Variants in NRM observed in about 807,000 individuals in gnomAD.
NRM encodes the protein nurim.
A neutral mutation model predicts 23.4 loss-of-function variants in NRM; 19 were observed. That is an observed-to-expected ratio of 0.81 (90% CI 0.57 to 1.19). The LOEUF (loss-of-function observed/expected upper bound fraction) is 1.19. NRM is among the 50% of genes most tolerant of loss of function. NRM has a pLI of 0.00. For synonymous variants in NRM, 140 were observed against 143.5 expected (o/e 0.98, Z 0.17); for missense variants, 232 against 329.7 (o/e 0.70, Z 2.30).
Position 30,690,699 on chromosome 6 carries a change from CCCTGTAG to C in NRM, c.133+136_133+142del. On this transcript the variant is annotated intron_variant, in intron 1 of 3. Coordinates refer to ENST00000376421, the MANE Select transcript of NRM (RefSeq NM_001384369.1). This position sits in a 1 kb window ranked among gnomAD's most constrained non-coding sequence, Gnocchi z 5.5. Reference sequence around the variant, plus strand: ...CTAATTTAGAACTCAGGTCTCCCTCCCCTGTAGCTTCTCGGCCGCTTTCAAGGTTCGA... The same window carrying C: ...CTAATTTAGAACTCAGGTCTCCCTCCCTTCTCGGCCGCTTTCAAGGTTCGA... The C allele has an allele frequency of 6.2e-7, 1 of 1,610,724 alleles. No individual in the cohort carries two copies. The highest frequency in any genetic ancestry group is 8.5e-7 in the Non-Finnish European group (1 of 1,179,132).
rs1771409430 is a variant in NRM at position 30,689,876 on chromosome 6, T to A, written c.330+171A>T. 2 of 621,118 alleles carry A rather than the reference T, an allele frequency of 3.2e-6. No individual in the cohort carries two copies. The highest frequency in any genetic ancestry group is 5.5e-6 in the Non-Finnish European group (2 of 366,488). 38.5% of individuals were successfully genotyped at this position (621,118 alleles called of 1,614,324 possible). On this transcript the variant is annotated intron_variant, in intron 2 of 3. Coordinates refer to ENST00000376421, the MANE Select transcript of NRM (RefSeq NM_001384369.1). This position sits in a 1 kb window ranked among gnomAD's most constrained non-coding sequence, Gnocchi z 4.7. Reference sequence around the variant, plus strand: ...TAGGGAAGGACAAGTACACCCTTCTTGATAAAAAGTAGGATATGTGCTGTG... The same window carrying A: ...TAGGGAAGGACAAGTACACCCTTCTAGATAAAAAGTAGGATATGTGCTGTG...
At chr6:30,691,085 G>C, upstream of NRM, 2 of 1,265,792 alleles carry the variant, frequency 1.6e-6, no homozygotes, top group Non-Finnish European at 2.2e-6. Flanking sequence ...CGGGGCTCCT[G>C]CACGCCACCG....
chr6:30,690,929 T>A lies in NRM; in HGVS notation c.46A>T (p.Ile16Phe). The A allele has an allele frequency of 1.2e-6, 2 of 1,611,064 alleles. No individual in the cohort carries two copies. Among genetic ancestry groups the A allele is most frequent in the African/African-American group, 2.7e-5 (2 of 74,202 alleles). The change falls in exon 1 of 4, where the codon ATC (isoleucine) becomes TTC (phenylalanine). Residue 16 changes from isoleucine (I) to phenylalanine (F), a missense_variant. Ile to Phe is a conservative substitution (Grantham distance 21). Coordinates refer to ENST00000376421, the MANE Select transcript of NRM (RefSeq NM_001384369.1). This position sits in a 1 kb window ranked among gnomAD's most constrained non-coding sequence, Gnocchi z 5.5. ...TCCACTCCGGTGCCAAAGGCCAGGA[T>A]GAAAGAGGCGAGGGCAGCAGGGATC... ...LLIPAALASF[I>F]LAFGTGVEFV...
chr6:30,688,808 G>A lies in NRM; in HGVS notation c.642C>T (p.Gly214=), dbSNP rs774914600. ...LTVLWVVPTL[G]TDRLLLAFLL... is the part of the protein sequence containing the mutation. ...GGAAAGCAAGGAGGAGACGGTCCGTGCCCAGGGTAGGCACCACCCACAGCA... is the reference window on the plus strand; with the variant it reads ...GGAAAGCAAGGAGGAGACGGTCCGTACCCAGGGTAGGCACCACCCACAGCA... The change falls in exon 4 of 4, where the codon GGC becomes GGT. Residue 214 remains glycine, a synonymous_variant. Coordinates refer to ENST00000376421, the MANE Select transcript of NRM (RefSeq NM_001384369.1). This position sits in a 1 kb window ranked among gnomAD's most constrained non-coding sequence, Gnocchi z 5.9. The A allele has an allele frequency of 1.2e-6, 2 of 1,613,808 alleles. No individual in the cohort carries two copies. The highest frequency in any genetic ancestry group is 2.7e-5 in the African/African-American group (2 of 74,814).
chr6:30,689,885 G>T lies in NRM; in HGVS notation c.330+162C>A. On this transcript the variant is annotated intron_variant, in intron 2 of 3. Coordinates refer to ENST00000376421, the MANE Select transcript of NRM (RefSeq NM_001384369.1). The surrounding 1 kb of genome is among the most constrained non-coding windows in gnomAD (Gnocchi z 4.7). ...ACAAGTACACCCTTCTTGATAAAAA[G>T]TAGGATATGTGCTGTGGAGGAATGG... 1.6e-6 allele frequency: 1 copy of T among 639,196 alleles called. No homozygotes were observed. The highest frequency in any genetic ancestry group is 2.6e-6 in the Non-Finnish European group (1 of 379,974). 39.6% of individuals were successfully genotyped at this position (639,196 alleles called of 1,614,324 possible). A position where few individuals can be genotyped will look rare whatever the true frequency, so the allele number is the denominator to read the frequency against.
In NRM at chr6:30,690,274, A is replaced by T; in HGVS notation, c.134-31T>A. ...GGAAGTTGAGGGAAAAAGAGACAAA[A>T]GATCGAAACAGTGGCAGAATGTTTC... is the stretch of plus-strand genomic sequence containing the variant. On this transcript the variant is annotated intron_variant, in intron 1 of 3. Coordinates refer to ENST00000376421, the MANE Select transcript of NRM (RefSeq NM_001384369.1). This position sits in a 1 kb window ranked among gnomAD's most constrained non-coding sequence, Gnocchi z 5.5. 1 of 1,538,632 alleles carries T rather than the reference A, an allele frequency of 6.5e-7. No individual in the cohort carries two copies. Among genetic ancestry groups the T allele is most frequent in the Non-Finnish European group, 8.7e-7 (1 of 1,145,202 alleles).
upstream of NRM, chr6:30,691,065 C>T (rs2127629161): frequency 1.4e-6 from 2 of 1,438,160 alleles, no homozygotes; most frequent in Non-Finnish European, 1.9e-6. Flanking sequence ...CTGAATCCAG[C>T]CCAGGAGGGC....
In NRM at chr6:30,690,283, C is replaced by G; in HGVS notation, c.134-40G>C. 6.6e-7 allele frequency: 1 copy of G among 1,526,538 alleles called. No homozygotes were observed. The highest frequency in any genetic ancestry group is 8.8e-7 in the Non-Finnish European group (1 of 1,137,074). 94.6% of individuals were successfully genotyped at this position (1,526,538 alleles called of 1,614,324 possible). ...GGGAAAAAGAGACAAAAGATCGAAA[C>G]AGTGGCAGAATGTTTCCCCCACCCT... On this transcript the variant is annotated intron_variant, in intron 1 of 3. Coordinates refer to ENST00000376421, the MANE Select transcript of NRM (RefSeq NM_001384369.1). The surrounding 1 kb of genome is among the most constrained non-coding windows in gnomAD (Gnocchi z 5.5).
rs372130131 is a variant in NRM, at chr6:30,690,501, C to G, written c.134-258G>C. ...GTTGCAAAAAGCATGGCTGGAGAGGCCACGCTGGATTGCCCCTCTTACTTC... is the reference window on the plus strand; with the variant it reads ...GTTGCAAAAAGCATGGCTGGAGAGGGCACGCTGGATTGCCCCTCTTACTTC... On this transcript the variant is annotated intron_variant, in intron 1 of 3. Coordinates refer to ENST00000376421, the MANE Select transcript of NRM (RefSeq NM_001384369.1). This position sits in a 1 kb window ranked among gnomAD's most constrained non-coding sequence, Gnocchi z 5.5. 1.6e-4 allele frequency: 245 copies of G among 1,494,492 alleles called. 8 individuals are homozygous for G. The highest frequency in any genetic ancestry group is 9.2e-4 in the East Asian group (37 of 40,378). The allele number at this position is 1,494,492 out of a possible 1,614,324, so 92.6% of individuals were successfully genotyped here. A position where few individuals can be genotyped will look rare whatever the true frequency, so the allele number is the denominator to read the frequency against.
chr6:30,689,535 A>G lies in NRM; in HGVS notation c.331-83T>C. On this transcript the variant is annotated intron_variant, in intron 2 of 3. Transcript: ENST00000376421. This position sits in a 1 kb window ranked among gnomAD's most constrained non-coding sequence, Gnocchi z 4.7. ...ACCCAGACCCAGATCTGCCCCCACC[A>G]CAGGCTAGCCTGCAACTCTCCCCCA... 7.3e-7 allele frequency: 1 copy of G among 1,372,000 alleles called. No individual in the cohort carries two copies. Among genetic ancestry groups the G allele is most frequent in the Non-Finnish European group, 9.8e-7 (1 of 1,024,518 alleles). 85.0% of individuals were successfully genotyped at this position (1,372,000 alleles called of 1,614,324 possible).
rs1204188697 is a variant in NRM at position 30,688,965 on chromosome 6, G to A, written c.508-23C>T. 1.2e-6 allele frequency: 2 copies of A among 1,600,432 alleles called. No homozygotes were observed. Among genetic ancestry groups the A allele is most frequent in the East Asian group, 2.2e-5 (1 of 44,640 alleles). ...TACCTAAGAGAGGGAGAAGAGCTTA[G>A]AAATGGAGTCAAGCCCTTTTCTCAT... On this transcript the variant is annotated intron_variant, in intron 3 of 3. Transcript: ENST00000376421. The surrounding 1 kb of genome is among the most constrained non-coding windows in gnomAD (Gnocchi z 5.9).
chr6:30,691,053 G>A (rs1771604630), upstream of NRM: 1 of 1,505,034 alleles, frequency 6.6e-7, no homozygotes, highest in Non-Finnish European at 9.0e-7. Context: ...CCCCGCCCCC[G>A]GCTGAATCCA....
In NRM at chr6:30,689,539, G is replaced by C. The variant is rs761340317; in HGVS notation, c.331-87C>G. The stretch of plus-strand genomic sequence containing the variant: ...AGACCCAGATCTGCCCCCACCACAG[G>C]CTAGCCTGCAACTCTCCCCCACCTC... On this transcript the variant is annotated intron_variant, in intron 2 of 3. Transcript: ENST00000376421. The surrounding 1 kb of genome is among the most constrained non-coding windows in gnomAD (Gnocchi z 4.7). 9.7e-5 allele frequency: 129 copies of C among 1,329,096 alleles called. No homozygotes were observed. Among genetic ancestry groups the C allele is most frequent in the Middle Eastern group, 5.4e-4 (2 of 3,686 alleles). The allele number at this position is 1,329,096 out of a possible 1,614,324, so 82.3% of individuals were successfully genotyped here.
Position 30,688,616 on chromosome 6 carries a change from T to C in NRM, c.*45A>G. ...GGGCCTGGATGTTAAGGATTTAGAATTCAGTGGGAGAGGAAGAACAGGGCT... is the reference window on the plus strand; with the variant it reads ...GGGCCTGGATGTTAAGGATTTAGAACTCAGTGGGAGAGGAAGAACAGGGCT... On this transcript the variant is annotated 3_prime_UTR_variant, in exon 4 of 4. Transcript: ENST00000376421. The surrounding 1 kb of genome is among the most constrained non-coding windows in gnomAD (Gnocchi z 5.9). 6.3e-7 allele frequency: 1 copy of C among 1,587,874 alleles called. No individual in the cohort carries two copies. Among genetic ancestry groups the C allele is most frequent in the Non-Finnish European group, 8.6e-7 (1 of 1,165,806 alleles).
In NRM at chr6:30,690,407, T is replaced by C; in HGVS notation, c.134-164A>G. ...CCCATCTCACTTTTCCATCCCTAGT[T>C]TCTGCCCTCTTCCCTAGGCCTCCTG... is the stretch of plus-strand genomic sequence containing the variant. On this transcript the variant is annotated intron_variant, in intron 1 of 3. Transcript: ENST00000376421. This position sits in a 1 kb window ranked among gnomAD's most constrained non-coding sequence, Gnocchi z 5.5. The C allele has an allele frequency of 9.5e-7, 1 of 1,050,812 alleles. No homozygotes were observed. Among genetic ancestry groups the C allele is most frequent in the East Asian group, 2.6e-5 (1 of 38,492 alleles). 65.1% of individuals were successfully genotyped at this position (1,050,812 alleles called of 1,614,324 possible).
Position 30,689,055 on chromosome 6 carries a change from C to G in NRM, c.508-113G>C. Reference sequence around the variant, plus strand: ...CTAGAACTCAGGCCCAGGAACCCCCCTTCTGAGACTTGGATCCCTGATCCT... The same window carrying G: ...CTAGAACTCAGGCCCAGGAACCCCCGTTCTGAGACTTGGATCCCTGATCCT... On this transcript the variant is annotated intron_variant, in intron 3 of 3. Coordinates refer to ENST00000376421, the MANE Select transcript of NRM (RefSeq NM_001384369.1). This position sits in a 1 kb window ranked among gnomAD's most constrained non-coding sequence, Gnocchi z 4.7. The G allele has an allele frequency of 8.1e-7, 1 of 1,233,368 alleles. No individual in the cohort carries two copies. The highest frequency in any genetic ancestry group is 2.5e-5 in the East Asian group (1 of 39,298). The allele number at this position is 1,233,368 out of a possible 1,614,324, so 76.4% of individuals were successfully genotyped here.
chr6:30,690,826 G>C lies in NRM; in HGVS notation c.133+16C>G. The stretch of plus-strand genomic sequence containing the variant: ...ACCTTCCTCCTCCCAGTTCATCCTC[G>C]ATCCCTCCCGCTCACCCGGACCACC... On this transcript the variant is annotated intron_variant, in intron 1 of 3. Transcript: ENST00000376421. The surrounding 1 kb of genome is among the most constrained non-coding windows in gnomAD (Gnocchi z 5.5). 1 of 1,612,824 alleles carries C rather than the reference G, an allele frequency of 6.2e-7. No individual in the cohort carries two copies. The highest frequency in any genetic ancestry group is 1.1e-5 in the South Asian group (1 of 91,068).
In NRM at chr6:30,688,940, T is replaced by C. The variant is rs139268915; in HGVS notation, c.510A>G (p.Val170=). ...CGCCCAGCCCCAGCACATGGTAGTATACCTAAGAGAGGGAGAAGAGCTTAG... is the reference window on the plus strand; with the variant it reads ...CGCCCAGCCCCAGCACATGGTAGTACACCTAAGAGAGGGAGAAGAGCTTAG... ...DYAELMGLKQ[V]YYHVLGLGEP... is the part of the protein sequence containing the mutation. The change falls in exon 4 of 4, where the codon GTA becomes GTG. Residue 170 remains valine (V), a splice_region_variant and synonymous_variant. Coordinates refer to ENST00000376421, the MANE Select transcript of NRM (RefSeq NM_001384369.1). This position sits in a 1 kb window ranked among gnomAD's most constrained non-coding sequence, Gnocchi z 5.9. The C allele has an allele frequency of 1.5e-5, 24 of 1,609,824 alleles. No individual in the cohort carries two copies. The African/African-American group carries it at 2.7e-4, about 18-fold the overall frequency.
chr6:30,691,247 C>T, upstream of NRM: 2 of 409,844 alleles, frequency 4.9e-6, no homozygotes, highest in Middle Eastern at 1.4e-3. Context: ...CAGCCGCTCA[C>T]GTGGGTTGAA....
Sources: allele counts gnomAD v4.1 joint callset, GRCh38; gene constraint gnomAD v4.1.1; non-coding constraint Gnocchi (gnomAD v3.1); transcripts MANE v1.5; gene names NCBI Gene and HGNC (gene_info 2026-07-23, HGNC 2026-07-21).